The following SLC36A1 variants were observed in gnomAD, a reference collection of about 807,000 sequenced individuals.
SLC36A1 encodes solute carrier family 36 member 1.
A neutral mutation model predicts 47.5 loss-of-function variants in SLC36A1; 30 were observed. The observed-to-expected ratio is 0.63, with a 90% CI of 0.47 to 0.86. SLC36A1 has a LOEUF of 0.86. Ranked by LOEUF, SLC36A1 falls within the 40% of genes least tolerant of loss-of-function variation. The probability of loss-of-function intolerance (pLI) is 0.00; values close to 1 mark genes in which losing one functional copy is unlikely to be tolerated. For missense variants in SLC36A1, 517 were observed against 606.0 expected (o/e 0.85, Z 1.54); for synonymous variants, 255 against 249.7 (o/e 1.02, Z -0.20).
chr5:151,551,363 C>G, the SLC36A1 span: 1 of 1,214,652 alleles, frequency 8.2e-7, no homozygotes, highest in Non-Finnish European at 1.2e-6. Flanking sequence ...ATTCAGTGTT[C>G]CTTGAGGAAC....
the SLC36A1 span, among the ~76,000 whole-genome samples, chr5:151,379,746 A>G: frequency 1.3e-5 from 2 of 152,248 alleles, no homozygotes; most frequent in African/African-American, 2.4e-5. Flanking sequence ...ATGTGTAACA[A>G]TATAAAAACT....
At chr5:151,363,093 G>C in the SLC36A1 span, among the ~76,000 whole-genome samples, 97 of 152,228 alleles carry the variant, frequency 6.4e-4, no homozygotes, top group African/African-American at 2.3e-3. Flanking sequence ...GAGATTCTTT[G>C]TTATTTACCT....
At position 151,488,083 on chromosome 5, in the gene SLC36A1, G is replaced by A. The variant is rs1759801880; in HGVS notation, c.1260G>A (p.Glu420=). Residue 420 remains glutamate (E), a synonymous_variant, in exon 11 of 11, where the codon GAG becomes GAA. Coordinates refer to ENST00000243389, the MANE Select transcript of SLC36A1 (RefSeq NM_078483.4). ...ALALIIPPLL[E]VTTFYSEGMS... Reference sequence around the variant, plus strand: ...CCCTCATCATCCCACCGCTCCTGGAGGTCACCACCTTCTACTCAGAGGGCA... The same window carrying A: ...CCCTCATCATCCCACCGCTCCTGGAAGTCACCACCTTCTACTCAGAGGGCA... 4 of 1,614,142 alleles carry A rather than the reference G, an allele frequency of 2.5e-6. No individual in the cohort carries two copies. Among genetic ancestry groups the A allele is most frequent in the African/African-American group, 1.3e-5 (1 of 75,046 alleles).
chr5:151,413,898 C>A, the SLC36A1 span, among the ~76,000 whole-genome samples: 1 of 151,954 alleles, frequency 6.6e-6, no homozygotes, highest in Admixed American at 6.5e-5. Flanking sequence ...CATATGCCAA[C>A]ATAATATATT....
intron 2 of SLC36A1, among the ~76,000 whole-genome samples, chr5:151,460,788 G>T (rs917495675): frequency 6.7e-6 from 1 of 150,180 alleles, no homozygotes; most frequent in Non-Finnish European, 1.5e-5. Flanking sequence ...AAGTTTTTGA[G>T]CTGGGTTCCT....
At chr5:151,471,861 T>C (rs1439305936) in intron 7 of SLC36A1, among the ~76,000 whole-genome samples, 1 of 152,260 alleles carries the variant, frequency 6.6e-6, no homozygotes, top group African/African-American at 2.4e-5. Flanking sequence ...AGCCATACAG[T>C]TAAATCAATT....
intron 1 of SLC36A1, among the ~76,000 whole-genome samples, chr5:151,458,312 G>GTATATA (rs35929969): frequency 6.3e-5 from 7 of 111,238 alleles, no homozygotes; most frequent in African/African-American, 1.4e-4. Context: ...GTGTATATAC[G>GTATATA]TATATATATA....
At chr5:151,432,075 C>T (rs75828720), upstream of SLC36A1, among the ~76,000 whole-genome samples, 938 of 152,310 alleles carry the variant, frequency 6.2e-3, 14 homozygotes, top group African/African-American at 0.022. Flanking sequence ...CTGACAATCT[C>T]TTCTTTTCTT....
At chr5:151,501,391 G>A in the SLC36A1 span, among the ~76,000 whole-genome samples, 2 of 150,292 alleles carry the variant, frequency 1.3e-5, no homozygotes, top group African/African-American at 2.5e-5. Context: ...TTCCTGTCTC[G>A]GTGTCATCAT....
At chr5:151,555,064 A>G in the SLC36A1 span, among the ~76,000 whole-genome samples, 1 of 152,224 alleles carries the variant, frequency 6.6e-6, no homozygotes, top group Non-Finnish European at 1.5e-5. Context: ...TGAGGGAATG[A>G]GTGGTACTTT....
the SLC36A1 span, among the ~76,000 whole-genome samples, chr5:151,372,875 C>G: frequency 6.6e-6 from 1 of 151,878 alleles, no homozygotes; most frequent in Non-Finnish European, 1.5e-5. Flanking sequence ...CTAGAACATC[C>G]AAGAGCTGTG....
chr5:151,555,452 C>A, the SLC36A1 span, among the ~76,000 whole-genome samples: 1 of 149,312 alleles, frequency 6.7e-6, no homozygotes, highest in Admixed American at 6.7e-5. Flanking sequence ...CTCACTGCAA[C>A]CTCCGTCTCC....
At chr5:151,405,824 G>A in the SLC36A1 span, among the ~76,000 whole-genome samples, 28 of 152,142 alleles carry the variant, frequency 1.8e-4, no homozygotes, top group Non-Finnish European at 2.9e-4. Context: ...GGTGCTTTTA[G>A]AGGGCCAAGA....
chr5:151,551,642 C>G, the SLC36A1 span: 2 of 1,612,156 alleles, frequency 1.2e-6, no homozygotes, highest in East Asian at 4.5e-5. Flanking sequence ...CACACAACCT[C>G]AGTGATTTAG....
the SLC36A1 span, among the ~76,000 whole-genome samples, chr5:151,513,463 G>A: frequency 2.0e-5 from 3 of 152,090 alleles, no homozygotes; most frequent in South Asian, 2.1e-4. Flanking sequence ...TGGAGTTGGC[G>A]GCCATTATCC....
At chr5:151,452,193 C>T (rs1217335665) in intron 1 of SLC36A1, 1 of 152,202 alleles carries the variant, frequency 6.6e-6, no homozygotes, top group East Asian at 1.9e-4. Flanking sequence ...GAAAAAGTCT[C>T]AATTTATGGA....
At position 151,466,822 on chromosome 5, in the gene SLC36A1, G is replaced by A. The variant is rs77372044; in HGVS notation, c.420-377G>A. On this transcript the variant is annotated intron_variant, in intron 5 of 10. Coordinates refer to ENST00000243389, the MANE Select transcript of SLC36A1 (RefSeq NM_078483.4). ...TCTCACCTCATGCAGCATTCCAGAC[G>A]AGAAGCCAGGAAGGGGACGTCGGAA... Among the ~76,000 whole-genome samples the A allele has an allele frequency of 9.9e-5, 15 of 152,226 alleles. No homozygotes were observed. In the East Asian group the frequency reaches 1.5e-3, roughly 16 times the overall value.
chr5:151,534,601 C>T, the SLC36A1 span: 3 of 1,614,048 alleles, frequency 1.9e-6, no homozygotes, highest in South Asian at 2.2e-5. Context: ...TTGAACACAT[C>T]CTTCCTTTCT....
the SLC36A1 span, chr5:151,553,459 A>ACGCTCTGGTTCCTG: frequency 1.5e-6 from 2 of 1,340,788 alleles, no homozygotes; most frequent in Non-Finnish European, 2.1e-6. Context: ...CCAGGACAGG[A>ACGCTCTGGTTCCTG]ACCAGAGCGT....
Sources: allele counts gnomAD v4.1 joint callset (sites outside exome capture counted in the v4.1 genomes callset), GRCh38; gene constraint gnomAD v4.1.1; transcripts MANE v1.5; gene names NCBI Gene and HGNC (gene_info 2026-07-23, HGNC 2026-07-21).